Variants in STARD13 observed in about 807,000 individuals in gnomAD.
STARD13 encodes the protein StAR related lipid transfer domain containing 13.
In STARD13, 62 loss-of-function variants were observed where a neutral mutation model predicts 106.4. The ratio of observed to expected loss-of-function variants is 0.58; its 90% CI spans 0.48 to 0.72. The LOEUF is 0.72. Ranked by LOEUF, STARD13 falls within the 30% of genes least tolerant of loss-of-function variation. The pLI, the probability that STARD13 is intolerant of heterozygous loss-of-function variation, is 0.00. For missense variants in STARD13, 1,387 were observed against 1,424.0 expected, an observed-to-expected ratio of 0.97 and a Z score of 0.42; for synonymous variants, 565 against 553.0, an observed-to-expected ratio of 1.02 and a Z score of -0.31.
the STARD13 span, among the ~76,000 whole-genome samples, chr13:33,641,780 G>A: frequency 4.6e-5 from 7 of 152,098 alleles, no homozygotes; most frequent in Non-Finnish European, 8.8e-5. Flanking sequence ...TCAGGAAACC[G>A]AATTCCAGAA....
chr13:33,499,723 C>T, the STARD13 span, among the ~76,000 whole-genome samples: 4 of 144,096 alleles, frequency 2.8e-5, no homozygotes, highest in East Asian at 4.0e-4. Flanking sequence ...CTCTCCTTCT[C>T]CTTCTCCCTC....
chr13:33,422,019 C>T, the STARD13 span, among the ~76,000 whole-genome samples: 1 of 145,082 alleles, frequency 6.9e-6, no homozygotes, highest in Non-Finnish European at 1.5e-5. Flanking sequence ...GGAAGCATTC[C>T]CTCTGAAAAC....
At chr13:33,671,759 TTAAA>T in the STARD13 span, among the ~76,000 whole-genome samples, 2 of 151,888 alleles carry the variant, frequency 1.3e-5, no homozygotes, top group Non-Finnish European at 2.9e-5. Context: ...AATTAAATAA[TTAAA>T]TAAATAAATA....
At chr13:33,165,539 T>C (rs1240992746) in intron 2 of STARD13, 121 bp from the exon 3 acceptor site, 21 of 739,232 alleles carry the variant, frequency 2.8e-5, no homozygotes, top group Middle Eastern at 3.5e-4. Flanking sequence ...CCCATCATCA[T>C]TGTTGGGAAT....
chr13:33,243,741 C>T (rs1889676141), intron 1 of STARD13, among the ~76,000 whole-genome samples: 2 of 152,116 alleles, frequency 1.3e-5, no homozygotes. Context: ...TTGTTTCCTT[C>T]ATAGAACTTG....
chr13:33,414,047 A>AAAAAAAG, the STARD13 span, among the ~76,000 whole-genome samples: 1,201 of 143,600 alleles, frequency 8.4e-3, 54 homozygotes, highest in African/African-American at 0.031. Context: ...AAAAAAAAAA[A>AAAAAAAG]AAAGAAAAGA....
the STARD13 span, among the ~76,000 whole-genome samples, chr13:33,511,871 C>A: frequency 2.6e-5 from 4 of 152,146 alleles, no homozygotes; most frequent in Non-Finnish European, 4.4e-5. Flanking sequence ...TATACACTAG[C>A]CCCATGTAAT....
the STARD13 span, among the ~76,000 whole-genome samples, chr13:33,436,947 C>G: frequency 1.3e-5 from 2 of 152,194 alleles, no homozygotes; most frequent in African/African-American, 4.8e-5. Context: ...TACTATACGT[C>G]ACATTCCGCC....
At chr13:33,396,073 G>A in the STARD13 span, among the ~76,000 whole-genome samples, 29 of 152,114 alleles carry the variant, frequency 1.9e-4, no homozygotes, top group African/African-American at 6.0e-4. Context: ...GATTGGTTTC[G>A]AACTCCTGGG....
intron 1 of STARD13, among the ~76,000 whole-genome samples, chr13:33,182,077 C>T (rs1885293474): frequency 6.6e-6 from 1 of 152,192 alleles, no homozygotes; most frequent in African/African-American, 2.4e-5. Context: ...AAATAAACTT[C>T]ATGTAGTTGT....
intron 1 of STARD13, among the ~76,000 whole-genome samples, chr13:33,206,814 C>T (rs556299935): frequency 6.6e-5 from 10 of 152,306 alleles, no homozygotes; most frequent in African/African-American, 1.9e-4. Flanking sequence ...GGAGGCCACA[C>T]GTTTACCATG....
At chr13:33,171,501 A>C (rs919728176) in intron 1 of STARD13, among the ~76,000 whole-genome samples, 1 of 152,096 alleles carries the variant, frequency 6.6e-6, no homozygotes, top group Admixed American at 6.5e-5. Context: ...ATCCTTCCCT[A>C]CGTATTCTGA....
At position 33,104,911 on chromosome 13, in the gene STARD13, G is replaced by C. The variant is rs1408430557; in HGVS notation, c.*682C>G. On this transcript the variant is annotated 3_prime_UTR_variant, in exon 14 of 14. Transcript: ENST00000336934. ...TCACCCCCCCATTTGCTTTAAGGAGGAGTAATTATTATTTCCTTGCTTTAT... is the reference window on the plus strand; with the variant it reads ...TCACCCCCCCATTTGCTTTAAGGAGCAGTAATTATTATTTCCTTGCTTTAT... 3 of 153,436 alleles carry C rather than the reference G, an allele frequency of 2.0e-5. No individual in the cohort carries two copies. The highest frequency in any genetic ancestry group is 7.2e-5 in the African/African-American group (3 of 41,438). 9.5% of individuals were successfully genotyped at this position (153,436 alleles called of 1,614,324 possible).
the STARD13 span, chr13:33,511,425 A>G: frequency 6.6e-6 from 1 of 152,176 alleles, no homozygotes; most frequent in African/African-American, 2.4e-5. Context: ...GAAAACAAAA[A>G]AATCACTGTA....
rs1472980258 is a variant in STARD13 at position 33,127,466 on chromosome 13, G to A, written c.1829C>T (p.Ala610Val). 2 of 1,599,126 alleles carry A rather than the reference G, an allele frequency of 1.3e-6. No individual in the cohort carries two copies. Among genetic ancestry groups the A allele is most frequent in the Middle Eastern group, 2.1e-4 (1 of 4,764 alleles). ...GCGCTGGAGCAGGCTCAGCTGGCTG[G>A]CCGTCTGGCTGCTGATGTGGGGCGA... ...PASPHISSQT[A>V]SQLSLLQRFS... is the part of the protein sequence containing the mutation. Residue 610 changes from alanine to valine, a missense_variant, in exon 6 of 14, where the codon GCC becomes GTC. Transcript: ENST00000336934.
chr13:33,112,004 G>T, intron 9 of STARD13, 112 bp from the exon 10 acceptor site: 1 of 635,506 alleles, frequency 1.6e-6, no homozygotes, highest in Non-Finnish European at 2.9e-6. Context: ...CAGATCCCAG[G>T]CTTTTGCGTT....
At chr13:33,664,315 T>G in the STARD13 span, among the ~76,000 whole-genome samples, 1 of 152,216 alleles carries the variant, frequency 6.6e-6, no homozygotes, top group Non-Finnish European at 1.5e-5. Flanking sequence ...ACACTTATTT[T>G]GTTTTTACAA....
At chr13:33,624,133 A>G in the STARD13 span, among the ~76,000 whole-genome samples, 7 of 152,358 alleles carry the variant, frequency 4.6e-5, no homozygotes, top group Admixed American at 1.3e-4. Context: ...GCCTACAAAA[A>G]GGCTTATTCA....
chr13:33,458,354 G>A, the STARD13 span, among the ~76,000 whole-genome samples: 2 of 150,534 alleles, frequency 1.3e-5, no homozygotes, highest in African/African-American at 4.9e-5. Flanking sequence ...CTCACTGCAA[G>A]CTCTGCCTCC....
Sources: gnomAD v4.1 joint callset for allele counts (sites outside exome capture counted in the v4.1 genomes callset) on GRCh38, gnomAD v4.1.1 for gene constraint, MANE v1.5 for transcripts, NCBI Gene and HGNC (gene_info 2026-07-23, HGNC 2026-07-21) for gene names.